HEATR1: variants seen among roughly 807,000 people sequenced by gnomAD.
The protein encoded by HEATR1 is HEAT repeat-containing protein 1.
HEATR1 carries 77 observed loss-of-function variants against 248.2 expected under a neutral mutation model. The observed-to-expected ratio is 0.31, with a 90% CI of 0.26 to 0.37. The LOEUF is 0.37. HEATR1 is among the 10% of genes least tolerant of loss of function. HEATR1 has a pLI of 1.00. For missense variants in HEATR1, 2,420 were observed against 2,504.9 expected, an observed-to-expected ratio of 0.97 and a Z score of 0.72; for synonymous variants, 897 against 923.1, an observed-to-expected ratio of 0.97 and a Z score of 0.51.
At chr1:236,602,015 T>C (rs1572056767) in intron 3 of HEATR1, among the ~76,000 whole-genome samples, 2 of 151,670 alleles carry the variant, frequency 1.3e-5, no homozygotes, top group South Asian at 4.1e-4. Flanking sequence ...GGTATGTGCC[T>C]GTAATCCCAG....
intron 4 of HEATR1, among the ~76,000 whole-genome samples, chr1:236,598,655 A>T (rs1463743010): frequency 1.3e-5 from 2 of 152,200 alleles, no homozygotes; most frequent in African/African-American, 4.8e-5. Flanking sequence ...TTACGTTCAG[A>T]TTCTTAAATT....
chr1:236,576,101 T>C, intron 22 of HEATR1, 118 bp downstream of exon 22: 1 of 669,402 alleles, frequency 1.5e-6, no homozygotes, highest in Non-Finnish European at 2.3e-6. Context: ...TAATATTACA[T>C]TTATCTCTTC....
Position 236,583,173 on chromosome 1 carries a change from A to C in HEATR1, c.2265T>G (p.Ile755Met), listed in dbSNP as rs748453232. The C allele has an allele frequency of 6.2e-7, 1 of 1,604,944 alleles. No homozygotes were observed. Among genetic ancestry groups the C allele is most frequent in the East Asian group, 2.2e-5 (1 of 44,800 alleles). The change falls in exon 18 of 45, where the codon ATT becomes ATG. Residue 755 changes from isoleucine to methionine, a missense_variant. Ile to Met is a conservative substitution (Grantham distance 10). Transcript: ENST00000366582. ...TAVEIPSEWH[I>M]ELMLDRGIPV... is the part of the protein sequence containing the mutation. The stretch of plus-strand genomic sequence containing the variant: ...GGATCCCTCTGTCTAACATCAGTTC[A>C]ATGTGCCATTCTGAGGGGATTTCCT...
At chr1:236,593,036 T>C (rs1664083340) in intron 9 of HEATR1, among the ~76,000 whole-genome samples, 1 of 151,924 alleles carries the variant, frequency 6.6e-6, no homozygotes. Context: ...CTCTACTAAA[T>C]ATACAAAATT....
intron 31 of HEATR1, 108 bp downstream of exon 31, chr1:236,565,811 A>G: frequency 9.4e-7 from 1 of 1,061,696 alleles, no homozygotes; most frequent in East Asian, 2.5e-5. Context: ...AAAATGATTA[A>G]CTTACTTTAA....
chr1:236,564,246 G>T (rs1428187410), intron 32 of HEATR1, among the ~76,000 whole-genome samples: 1 of 152,176 alleles, frequency 6.6e-6, no homozygotes, highest in Non-Finnish European at 1.5e-5. Flanking sequence ...TGGTGTACAG[G>T]TTCATAAACT....
chr1:236,553,170 AAAC>A (rs748898144), intron 43 of HEATR1, among the ~76,000 whole-genome samples: 15 of 152,220 alleles, frequency 9.9e-5, no homozygotes, highest in Non-Finnish European at 1.9e-4. Context: ...TAGTATCTAT[AAAC>A]AACAGAATGT....
chr1:236,585,529 C>T (rs1663862593), intron 16 of HEATR1, among the ~76,000 whole-genome samples: 2 of 151,798 alleles, frequency 1.3e-5, no homozygotes, highest in African/African-American at 2.4e-5. Context: ...TTAACAACAA[C>T]AACAACAAAA....
chr1:236,592,569 A>C lies in HEATR1; in HGVS notation c.1258T>G (p.Leu420Val), dbSNP rs1360814041. Residue 420 changes from leucine (L) to valine (V), a missense_variant, in exon 10 of 45, where the codon TTG (leucine) becomes GTG (valine). Coordinates refer to ENST00000366582, the MANE Select transcript of HEATR1 (RefSeq NM_018072.6). Reference sequence around the variant, plus strand: ...AGTGGAAGAAATTGTTCATTAAGCAAAGACACTTTATTAGAATCCATTTCT... The same window carrying C: ...AGTGGAAGAAATTGTTCATTAAGCACAGACACTTTATTAGAATCCATTTCT... ...QEEMDSNKVS[L>V]LNEQFLPLIR... 1.3e-6 allele frequency: 2 copies of C among 1,523,310 alleles called. No homozygotes were observed. Among genetic ancestry groups the C allele is most frequent in the Middle Eastern group, 3.4e-4 (2 of 5,884 alleles). 94.4% of individuals were successfully genotyped at this position (1,523,310 alleles called of 1,614,324 possible). A position where few individuals can be genotyped will look rare whatever the true frequency, so the allele number is the denominator to read the frequency against.
At chr1:236,557,479 G>A in intron 36 of HEATR1, 134 bp from the exon 37 acceptor site, 2 of 834,492 alleles carry the variant, frequency 2.4e-6, no homozygotes, top group Non-Finnish European at 3.7e-6. Flanking sequence ...CTAAAAAGCA[G>A]TGTCTATACA....
chr1:236,561,598 C>T (rs988425541), intron 32 of HEATR1, among the ~76,000 whole-genome samples: 2 of 152,206 alleles, frequency 1.3e-5, no homozygotes, highest in African/African-American at 4.8e-5. Context: ...AGAAGTTAAA[C>T]ATTACAGATT....
chr1:236,593,579 TAAGAGAAAA>T (rs1258218762), intron 9 of HEATR1, among the ~76,000 whole-genome samples: 6 of 94,846 alleles, frequency 6.3e-5, no homozygotes, highest in African/African-American at 2.7e-4. Flanking sequence ...AGTTGCCCAT[TAAGAGAAAA>T]AAAAAAAAAA....
chr1:236,556,322 C>G, intron 37 of HEATR1, 64 bp from the exon 38 acceptor site: 2 of 1,527,164 alleles, frequency 1.3e-6, no homozygotes, highest in Non-Finnish European at 1.8e-6. Flanking sequence ...CACACACTTA[C>G]AGAGAGGCTT....
chr1:236,594,108 T>C lies in HEATR1; in HGVS notation c.1097A>G (p.Glu366Gly), dbSNP rs1450798828. ...GATTTGACCATCCATTCCTTCAGTTTCTTCTCCTTAATATGTAAAAATTAA... is the reference window on the plus strand; with the variant it reads ...GATTTGACCATCCATTCCTTCAGTTCCTTCTCCTTAATATGTAAAAATTAA... ...VSIIHHVTGE[E>G]TEGMDGQIYK... Residue 366 changes from glutamate (E) to glycine (G), a missense_variant, in exon 9 of 45, where the codon GAA becomes GGA. Glu to Gly is a moderately conservative substitution (Grantham distance 98). Coordinates refer to ENST00000366582, the MANE Select transcript of HEATR1 (RefSeq NM_018072.6). The C allele has an allele frequency of 6.3e-7, 1 of 1,580,328 alleles. No homozygotes were observed. The highest frequency in any genetic ancestry group is 2.3e-5 in the East Asian group (1 of 43,914).
chr1:236,603,439 C>A, intron 2 of HEATR1, 63 bp from the exon 3 acceptor site: 2 of 1,350,322 alleles, frequency 1.5e-6, no homozygotes, highest in Non-Finnish European at 2.1e-6. Context: ...TCCCACCCCT[C>A]TTTTACAGTT....
At chr1:236,597,751 C>A in intron 5 of HEATR1, 127 bp downstream of exon 5, 1 of 576,132 alleles carries the variant, frequency 1.7e-6, no homozygotes. Flanking sequence ...TTCAAAACAC[C>A]AGACCATTTA....
intron 25 of HEATR1, 61 bp downstream of exon 25, chr1:236,572,664 G>T: frequency 1.3e-6 from 2 of 1,595,738 alleles, no homozygotes; most frequent in Middle Eastern, 1.7e-4. Flanking sequence ...AGTTCCAATG[G>T]TTTCATAACA....
intron 13 of HEATR1, 38 bp from the exon 14 acceptor site, chr1:236,587,528 G>C: frequency 3.0e-6 from 3 of 1,011,728 alleles, no homozygotes; most frequent in Non-Finnish European, 4.3e-6. Context: ...ATTTGTACTT[G>C]CTTCAAACAT....
intron 19 of HEATR1, among the ~76,000 whole-genome samples, chr1:236,582,104 T>C (rs961684418): frequency 1.3e-5 from 2 of 152,068 alleles, no homozygotes; most frequent in African/African-American, 4.8e-5. Flanking sequence ...TATCTTTTTA[T>C]TTATTTATTA....
Sources: gnomAD v4.1 joint callset for allele counts (sites outside exome capture counted in the v4.1 genomes callset) on GRCh38, gnomAD v4.1.1 for gene constraint, MANE v1.5 for transcripts, NCBI Gene and HGNC (gene_info 2026-07-23, HGNC 2026-07-21) for gene names.